Variants in CAPRIN2 observed in about 807,000 individuals in gnomAD.
The protein encoded by CAPRIN2 is caprin family member 2.
CAPRIN2 carries 66 observed loss-of-function variants against 130.4 expected under a neutral mutation model. The observed-to-expected ratio is 0.51, with a 90% CI of 0.42 to 0.62. The LOEUF (loss-of-function observed/expected upper bound fraction) is 0.62, where lower values mean the gene tolerates loss of function less well. CAPRIN2 is among the 20% of genes least tolerant of loss of function. The pLI, the probability that CAPRIN2 is intolerant of heterozygous loss-of-function variation, is 0.00. For synonymous variants in CAPRIN2, 471 were observed against 444.1 expected, an observed-to-expected ratio of 1.06 and a Z score of -0.76; for missense variants, 1,185 against 1,246.6, an observed-to-expected ratio of 0.95 and a Z score of 0.74.
intron 2 of CAPRIN2, among the ~76,000 whole-genome samples, chr12:30,743,392 G>A (rs983107401): frequency 2.6e-5 from 4 of 152,058 alleles, no homozygotes; most frequent in South Asian, 2.1e-4. Flanking sequence ...CCTGGATTCC[G>A]TTTCTACCAT....
intron 2 of CAPRIN2, among the ~76,000 whole-genome samples, chr12:30,741,807 TAC>T (rs2067601164): frequency 6.6e-6 from 1 of 152,074 alleles, no homozygotes; most frequent in African/African-American, 2.4e-5. Context: ...CCAAGGTATC[TAC>T]CCAAAAGAAA....
chr12:30,720,110 A>C (rs1172483549), intron 12 of CAPRIN2: 2 of 151,998 alleles, frequency 1.3e-5, no homozygotes, highest in East Asian at 1.9e-4. Flanking sequence ...ATTTTTTTTG[A>C]GATGAAGTAT....
exon 1 of CAPRIN2, chr12:30,753,680 G>A: frequency 6.2e-7 from 1 of 1,614,144 alleles, no homozygotes; most frequent in Non-Finnish European, 8.5e-7. Flanking sequence ...TAACTTCCCT[G>A]GAAAGTCTAG....
At chr12:30,713,037 T>C (rs1335561431) in intron 15 of CAPRIN2, among the ~76,000 whole-genome samples, 1 of 152,152 alleles carries the variant, frequency 6.6e-6, no homozygotes, top group Non-Finnish European at 1.5e-5. Flanking sequence ...TCACCACGCC[T>C]GGCCTTCACC....
At chr12:30,752,052 G>A (rs2074225881) in intron 1 of CAPRIN2, among the ~76,000 whole-genome samples, 1 of 151,504 alleles carries the variant, frequency 6.6e-6, no homozygotes, top group Admixed American at 6.6e-5. Context: ...CTGAGTAGGT[G>A]GGATTACAGG....
chr12:30,716,528 G>C, exon 13 of CAPRIN2: 1 of 1,613,912 alleles, frequency 6.2e-7, no homozygotes, highest in Non-Finnish European at 8.5e-7. Context: ...AGAATGGACA[G>C]TTTGTTCTAC....
At chr12:30,740,513 G>A (rs912798078) in intron 3 of CAPRIN2, among the ~76,000 whole-genome samples, 3 of 152,028 alleles carry the variant, frequency 2.0e-5, no homozygotes, top group South Asian at 4.1e-4. Context: ...ATTTTGAACT[G>A]CCAACATAGA....
chr12:30,745,009 C>T (rs2069308175), intron 2 of CAPRIN2, among the ~76,000 whole-genome samples: 1 of 152,248 alleles, frequency 6.6e-6, no homozygotes, highest in African/African-American at 2.4e-5. Flanking sequence ...GATCTCAAGA[C>T]AAGGATATCA....
At chr12:30,711,753 C>T (rs1301913836) in intron 15 of CAPRIN2, 124 bp from the exon 18 acceptor site, 1 of 775,200 alleles carries the variant, frequency 1.3e-6, no homozygotes, top group Non-Finnish European at 2.3e-6. Context: ...CCTTCCCCAG[C>T]AACCAAAGAG....
chr12:30,728,574 AAC>A, intron 8 of CAPRIN2, 72 bp downstream of exon 9: 1 of 1,226,146 alleles, frequency 8.2e-7, no homozygotes, highest in Non-Finnish European at 1.1e-6. Context: ...AAAAAAAGAG[AAC>A]TAAAAAGTCA....
At chr12:30,714,471 C>T (rs2056699219) in intron 14 of CAPRIN2, among the ~76,000 whole-genome samples, 2 of 152,146 alleles carry the variant, frequency 1.3e-5, no homozygotes, top group Admixed American at 1.3e-4. Context: ...GCGTCAGCCA[C>T]CACACCCAGC....
exon 8 of CAPRIN2, chr12:30,729,007 C>G (rs1231829743): frequency 7.4e-6 from 12 of 1,614,036 alleles, no homozygotes; most frequent in Non-Finnish European, 1.0e-5. Flanking sequence ...TTAGGTGTAT[C>G]TTGCTTCCAC....
Position 30,728,677 on chromosome 12 carries a change from G to A in CAPRIN2, c.1753C>T (p.Pro585Ser), listed in dbSNP as rs1195066693. The change falls in exon 8 of 17, where the codon CCC becomes TCC. Residue 585 changes from proline to serine, a missense_variant. Coordinates refer to ENST00000298892, the Ensembl canonical transcript of CAPRIN2. ...TTGGGTTCTGTGTTCAACTTCCTGG[G>A]CAGCAGCTGGTCATTTGGTATGAGG... 2 of 1,611,426 alleles carry A rather than the reference G, an allele frequency of 1.2e-6. No homozygotes were observed. Among genetic ancestry groups the A allele is most frequent in the Non-Finnish European group, 1.7e-6 (2 of 1,178,654 alleles).
intron 3 of CAPRIN2, among the ~76,000 whole-genome samples, chr12:30,736,837 C>T (rs531357992): frequency 1.2e-4 from 19 of 152,176 alleles, no homozygotes; most frequent in Non-Finnish European, 2.4e-4. Flanking sequence ...CTCTCCAAAA[C>T]ACTGGAGTTT....
intron 4 of CAPRIN2, 60 bp downstream of exon 5, chr12:30,734,908 A>G (rs2064060748): frequency 9.5e-7 from 1 of 1,050,944 alleles, no homozygotes; most frequent in South Asian, 1.3e-5. Context: ...ACATACACAC[A>G]CCCCTAAAAA....
At chr12:30,735,516 T>C (rs2064352981) in intron 3 of CAPRIN2, among the ~76,000 whole-genome samples, 1 of 152,190 alleles carries the variant, frequency 6.6e-6, no homozygotes, top group Admixed American at 6.5e-5. Flanking sequence ...ATTTCAACAT[T>C]TTACTCTTTC....
intron 2 of CAPRIN2, among the ~76,000 whole-genome samples, chr12:30,750,535 C>CTT (rs80349176): frequency 6.3e-5 from 9 of 143,874 alleles, no homozygotes; most frequent in African/African-American, 2.0e-4. Context: ...TTATAGTAAG[C>CTT]TTTTTTTTTT....
At chr12:30,730,029 A>G (rs747933014) in intron 7 of CAPRIN2, among the ~76,000 whole-genome samples, 15 of 152,202 alleles carry the variant, frequency 9.9e-5, no homozygotes, top group Non-Finnish European at 1.9e-4. Context: ...CAATAACCCC[A>G]TGAAGTAGTC....
chr12:30,719,405 T>TA, intron 12 of CAPRIN2, 180 bp from the exon 14 acceptor site: 1 of 651,582 alleles, frequency 1.5e-6, no homozygotes, highest in Non-Finnish European at 2.6e-6. Flanking sequence ...TGCATACCAG[T>TA]ATTTGCTTTG....
Sources: allele counts gnomAD v4.1 joint callset (sites outside exome capture counted in the v4.1 genomes callset), GRCh38; gene constraint gnomAD v4.1.1; transcripts MANE v1.5; gene names NCBI Gene and HGNC (gene_info 2026-07-23, HGNC 2026-07-21).